Variants in DLG2 observed in about 807,000 individuals in gnomAD.
The protein encoded by DLG2 is discs large MAGUK scaffold protein 2.
DLG2 carries 45 observed loss-of-function variants against 132.5 expected under a neutral mutation model. The ratio of observed to expected loss-of-function variants is 0.34; its 90% CI spans 0.27 to 0.44. DLG2 has a LOEUF of 0.44. DLG2 is among the 20% of genes least tolerant of loss of function. The pLI is 1.00. For missense variants in DLG2, 1,045 were observed against 1,196.9 expected, an observed-to-expected ratio of 0.87 and a Z score of 1.87; for synonymous variants, 424 against 419.6, an observed-to-expected ratio of 1.01 and a Z score of -0.13.
At chr11:83,704,893 T>C (rs1344642260) in intron 18 of DLG2, among the ~76,000 whole-genome samples, 1 of 152,244 alleles carries the variant, frequency 6.6e-6, no homozygotes, top group South Asian at 2.1e-4. Flanking sequence ...CACTGAAATA[T>C]TAAGTTATTC....
intron 7 of DLG2, among the ~76,000 whole-genome samples, chr11:84,293,763 C>G (rs560985497): frequency 6.6e-6 from 1 of 152,286 alleles, no homozygotes; most frequent in South Asian, 2.1e-4. Context: ...AAGAATGATT[C>G]TCTTAAACTA....
chr11:84,414,447 A>G (rs956035888), intron 7 of DLG2, among the ~76,000 whole-genome samples: 1 of 152,142 alleles, frequency 6.6e-6, no homozygotes, highest in Non-Finnish European at 1.5e-5. Context: ...TGCTGTAGGG[A>G]TTCAATCCAC....
At chr11:85,419,979 C>A (rs1430429972) in intron 3 of DLG2, among the ~76,000 whole-genome samples, 1 of 152,156 alleles carries the variant, frequency 6.6e-6, no homozygotes. Flanking sequence ...CCTTTACTGG[C>A]AAGGAGTTGT....
intron 17 of DLG2, among the ~76,000 whole-genome samples, chr11:83,825,983 G>GA (rs1326084656): frequency 2.0e-5 from 3 of 152,156 alleles, no homozygotes; most frequent in Non-Finnish European, 4.4e-5. Context: ...GAGAGTAGGG[G>GA]AAGTATTGTG....
chr11:84,324,783 T>C (rs1446125933), intron 7 of DLG2, among the ~76,000 whole-genome samples: 1 of 152,148 alleles, frequency 6.6e-6, no homozygotes, highest in Non-Finnish European at 1.5e-5. Context: ...TTGATAGTAT[T>C]GTAAATGGGA....
intron 19 of DLG2, among the ~76,000 whole-genome samples, chr11:83,578,142 C>T (rs1311232966): frequency 6.8e-6 from 1 of 146,820 alleles, no homozygotes; most frequent in Non-Finnish European, 1.5e-5. Flanking sequence ...AGAAAGAAAA[C>T]TATACTTTGT....
At chr11:84,477,472 G>A (rs1232398991) in intron 7 of DLG2, among the ~76,000 whole-genome samples, 1 of 151,948 alleles carries the variant, frequency 6.6e-6, no homozygotes, top group East Asian at 1.9e-4. Flanking sequence ...TCCAACCTGG[G>A]CAACAAGAGA....
At chr11:85,171,889 C>T (rs2078902769) in intron 4 of DLG2, among the ~76,000 whole-genome samples, 1 of 152,242 alleles carries the variant, frequency 6.6e-6, no homozygotes, top group African/African-American at 2.4e-5. Flanking sequence ...TCCCTCCTCA[C>T]TGGGTGGGGC....
chr11:85,530,975 G>A (rs1444148909), intron 3 of DLG2, among the ~76,000 whole-genome samples: 1 of 152,114 alleles, frequency 6.6e-6, no homozygotes, highest in Non-Finnish European at 1.5e-5. Context: ...ACTTCTTAGA[G>A]GCTTTCTGCC....
In DLG2 at chr11:85,019,154, C is replaced by A. The variant is rs1365856641; in HGVS notation, c.357+92507G>T. Among the ~76,000 whole-genome samples the A allele has an allele frequency of 2.6e-5, 4 of 152,266 alleles. No individual in the cohort carries two copies. The South Asian group carries it at 8.3e-4, about 32-fold the overall frequency. ...GAAAAGAAATGTACTCCCTGCATAA[C>A]AAGAGATTACTTTGGAGACAGTTGA... is the stretch of plus-strand genomic sequence containing the variant. On this transcript the variant is annotated intron_variant, in intron 6 of 27. Coordinates refer to ENST00000376104, the MANE Select transcript of DLG2 (RefSeq NM_001142699.3).
At chr11:83,835,742 C>T (rs2055968438) in intron 16 of DLG2, among the ~76,000 whole-genome samples, 1 of 152,172 alleles carries the variant, frequency 6.6e-6, no homozygotes, top group African/African-American at 2.4e-5. Flanking sequence ...GTGTTGCCTA[C>T]CTATGCTGAA....
chr11:84,963,159 CT>C (rs986818235), intron 6 of DLG2, among the ~76,000 whole-genome samples: 1 of 152,134 alleles, frequency 6.6e-6, no homozygotes, highest in African/African-American at 2.4e-5. Context: ...TAAAATACAA[CT>C]TTTTGAGAGC....
intron 5 of DLG2, among the ~76,000 whole-genome samples, chr11:85,151,382 G>GT (rs36032909): frequency 2.1e-4 from 29 of 139,236 alleles, no homozygotes; most frequent in Admixed American, 1.0e-3. Context: ...AGTACAATTT[G>GT]TTTTTTTTTT....
chr11:85,021,241 G>A (rs1322299971), intron 6 of DLG2: 2 of 1,282,538 alleles, frequency 1.6e-6, no homozygotes, highest in Non-Finnish European at 2.3e-6. Context: ...TACAGCCCGA[G>A]CAATAGGAGG....
chr11:85,035,902 A>G (rs2154146820), intron 6 of DLG2, among the ~76,000 whole-genome samples: 1 of 152,318 alleles, frequency 6.6e-6, no homozygotes, highest in African/African-American at 2.4e-5. Flanking sequence ...TTATTTCTAA[A>G]TATGTGTGCA....
intron 19 of DLG2, among the ~76,000 whole-genome samples, chr11:83,555,223 T>A (rs1346083169): frequency 2.6e-5 from 4 of 152,198 alleles, no homozygotes; most frequent in Non-Finnish European, 4.4e-5. Flanking sequence ...TCTGGGATAG[T>A]CTAAGATGAG....
chr11:85,334,892 A>G (rs1746538185), intron 3 of DLG2, among the ~76,000 whole-genome samples: 1 of 152,112 alleles, frequency 6.6e-6, no homozygotes, highest in South Asian at 2.1e-4. Flanking sequence ...AAAATAATGT[A>G]TATTCTGTTG....
chr11:84,690,395 C>A (rs1166758805), intron 6 of DLG2, among the ~76,000 whole-genome samples: 2 of 150,944 alleles, frequency 1.3e-5, no homozygotes, highest in Admixed American at 6.6e-5. Context: ...TTGTACTTCA[C>A]AAATATACAC....
At chr11:85,456,090 G>A (rs1429425302) in intron 3 of DLG2, among the ~76,000 whole-genome samples, 7 of 152,262 alleles carry the variant, frequency 4.6e-5, no homozygotes, top group Non-Finnish European at 4.4e-5. Context: ...ATTCAACTGT[G>A]AATCTGTCTG....
Sources: gnomAD v4.1 joint callset for allele counts (sites outside exome capture counted in the v4.1 genomes callset) on GRCh38, gnomAD v4.1.1 for gene constraint, MANE v1.5 for transcripts, NCBI Gene and HGNC (gene_info 2026-07-23, HGNC 2026-07-21) for gene names.